Variants in NPSR1 observed in about 807,000 individuals in gnomAD.
NPSR1 encodes neuropeptide S receptor.
Under a neutral mutation model 46.9 loss-of-function variants are expected in NPSR1, and 48 were observed. The ratio of observed to expected loss-of-function variants is 1.02; its 90% CI spans 0.81 to 1.30. NPSR1 has a LOEUF of 1.30. Among genes scored for constraint, NPSR1 ranks in the 50% most tolerant of loss-of-function variants. NPSR1 has a pLI of 0.00. For synonymous variants in NPSR1, 176 were observed against 168.1 expected, an observed-to-expected ratio of 1.05 and a Z score of -0.36; for missense variants, 450 against 449.5, an observed-to-expected ratio of 1.00 and a Z score of -0.01.
intron 2 of NPSR1, among the ~76,000 whole-genome samples, chr7:34,718,467 C>T (rs1000834292): frequency 2.0e-5 from 3 of 152,196 alleles, no homozygotes; most frequent in Non-Finnish European, 4.4e-5. Flanking sequence ...CCACAGGAGG[C>T]CCTGACCCTA....
intron 3 of NPSR1, among the ~76,000 whole-genome samples, chr7:34,782,426 T>A (rs963001541): frequency 1.3e-5 from 2 of 152,106 alleles, no homozygotes; most frequent in African/African-American, 4.8e-5. Flanking sequence ...GAAGACCCTA[T>A]CAATTCTTGC....
chr7:34,795,447 C>T (rs183670819), intron 3 of NPSR1, among the ~76,000 whole-genome samples: 6 of 152,118 alleles, frequency 3.9e-5, no homozygotes, highest in African/African-American at 7.2e-5. Context: ...AAATAAAAGA[C>T]ACACTAATTG....
At chr7:34,783,504 G>A (rs545590806) in intron 3 of NPSR1, among the ~76,000 whole-genome samples, 1 of 152,156 alleles carries the variant, frequency 6.6e-6, no homozygotes, top group South Asian at 2.1e-4. Context: ...TTCAAGATGA[G>A]ATTTGGGTAG....
intron 2 of NPSR1, among the ~76,000 whole-genome samples, chr7:34,773,935 T>G (rs1055694597): frequency 6.6e-6 from 1 of 152,184 alleles, no homozygotes; most frequent in Non-Finnish European, 1.5e-5. Flanking sequence ...CCCACTCCCA[T>G]AGTCCCAACC....
intron 1 of NPSR1, among the ~76,000 whole-genome samples, chr7:34,683,459 A>ATAT: frequency 6.6e-6 from 1 of 151,754 alleles, no homozygotes; most frequent in East Asian, 1.9e-4. Flanking sequence ...AAAAAAAAAA[A>ATAT]ATATTTCTTA....
At chr7:34,672,346 C>A (rs1215175549) in intron 1 of NPSR1, among the ~76,000 whole-genome samples, 1 of 152,100 alleles carries the variant, frequency 6.6e-6, no homozygotes, top group South Asian at 2.1e-4. Flanking sequence ...AGTCCTCTTG[C>A]GATCCAAGAA....
intron 3 of NPSR1, among the ~76,000 whole-genome samples, chr7:34,792,446 G>A (rs1185487090): frequency 4.1e-5 from 6 of 147,382 alleles, no homozygotes; most frequent in Admixed American, 3.5e-4. Context: ...AATGGATTGA[G>A]CGCAGGTATT....
chr7:34,843,224 A>G (rs1005481559), intron 6 of NPSR1, among the ~76,000 whole-genome samples: 4 of 152,234 alleles, frequency 2.6e-5, no homozygotes, highest in African/African-American at 9.6e-5. Context: ...TTTTAAAAAA[A>G]GAGATTTATT....
chr7:34,833,688 G>A (rs1306190792), intron 5 of NPSR1, among the ~76,000 whole-genome samples: 1 of 152,150 alleles, frequency 6.6e-6, no homozygotes, highest in African/African-American at 2.4e-5. Flanking sequence ...GGCTTAACCG[G>A]GTCCTCTGCT....
At chr7:34,799,611 C>A (rs1788374288) in intron 3 of NPSR1, among the ~76,000 whole-genome samples, 2 of 149,874 alleles carry the variant, frequency 1.3e-5, no homozygotes, top group Admixed American at 1.3e-4. Flanking sequence ...ACTGCAAAAC[C>A]ATGACAAAAT....
intron 3 of NPSR1, among the ~76,000 whole-genome samples, chr7:34,790,653 TTA>T (rs1787693612): frequency 7.9e-6 from 1 of 126,520 alleles, no homozygotes; most frequent in African/African-American, 2.8e-5. Flanking sequence ...ATAATATGTA[TTA>T]TGTTATAAAT....
intron 1 of NPSR1, among the ~76,000 whole-genome samples, chr7:34,666,300 T>C (rs766276509): frequency 1.1e-4 from 16 of 152,208 alleles, no homozygotes; most frequent in Admixed American, 3.3e-4. Context: ...TAACCCAGGA[T>C]GACATTTGGT....
downstream of NPSR1, among the ~76,000 whole-genome samples, chr7:34,851,541 T>C (rs535228475): frequency 6.6e-6 from 1 of 152,300 alleles, no homozygotes; most frequent in Admixed American, 6.5e-5. Context: ...AGAAATGCTT[T>C]TCAACATTTC....
At chr7:34,808,718 T>C (rs1468951008) in intron 3 of NPSR1, among the ~76,000 whole-genome samples, 1 of 152,170 alleles carries the variant, frequency 6.6e-6, no homozygotes, top group Non-Finnish European at 1.5e-5. Context: ...AGAAAACTGT[T>C]CTGTGCCTTG....
intron 2 of NPSR1, among the ~76,000 whole-genome samples, chr7:34,689,126 G>A (rs1010686808): frequency 6.6e-6 from 1 of 152,114 alleles, no homozygotes; most frequent in African/African-American, 2.4e-5. Context: ...ACCCATCTTG[G>A]CCCCCACTCC....
intron 5 of NPSR1, among the ~76,000 whole-genome samples, chr7:34,827,882 T>C (rs1406748838): frequency 1.3e-5 from 2 of 152,206 alleles, no homozygotes; most frequent in African/African-American, 4.8e-5. Flanking sequence ...CCCTGTGAAA[T>C]AATTTCCATT....
chr7:34,756,391 C>A lies in NPSR1; in HGVS notation c.281-22071C>A, dbSNP rs924686923. Among the ~76,000 whole-genome samples, 4 of 152,154 alleles carry A rather than the reference C, an allele frequency of 2.6e-5. No individual in the cohort carries two copies. In the East Asian group the frequency reaches 7.7e-4, roughly 29 times the overall value. On this transcript the variant is annotated intron_variant, in intron 2 of 8. Transcript: ENST00000360581. ...CCAGGAGATTAAGCAATGTCACAACCGATCTGGATCCACCGGCACTTGAGA... is the reference window on the plus strand; with the variant it reads ...CCAGGAGATTAAGCAATGTCACAACAGATCTGGATCCACCGGCACTTGAGA...
At position 34,823,205 on chromosome 7, in the gene NPSR1, A is replaced by G. The variant is rs547774945; in HGVS notation, c.479-4196A>G. Among the ~76,000 whole-genome samples, 23 of 152,184 alleles carry G rather than the reference A, an allele frequency of 1.5e-4. No homozygotes were observed. In the East Asian group the frequency reaches 3.3e-3, roughly 22 times the overall value. On this transcript the variant is annotated intron_variant, in intron 4 of 8. Coordinates refer to ENST00000360581, the MANE Select transcript of NPSR1 (RefSeq NM_207172.2). Reference sequence around the variant, plus strand: ...CACAAGTTTGAGACCAGCCTGGCCAACATAGTGAAACCCTGTCTCTACTAA... The same window carrying G: ...CACAAGTTTGAGACCAGCCTGGCCAGCATAGTGAAACCCTGTCTCTACTAA...
chr7:34,705,109 A>G (rs755863068), intron 2 of NPSR1, among the ~76,000 whole-genome samples: 7 of 152,140 alleles, frequency 4.6e-5, no homozygotes, highest in Non-Finnish European at 1.0e-4. Flanking sequence ...CGTATGATAG[A>G]TGACTAAAAG....
Sources: allele counts gnomAD v4.1 joint callset (sites outside exome capture counted in the v4.1 genomes callset), GRCh38; gene constraint gnomAD v4.1.1; transcripts MANE v1.5; gene names NCBI Gene and HGNC (gene_info 2026-07-23, HGNC 2026-07-21).